NEK11: variants seen among roughly 807,000 people sequenced by gnomAD.
The protein encoded by NEK11 is serine/threonine-protein kinase Nek11.
NEK11 carries 72 observed loss-of-function variants against 80.7 expected under a neutral mutation model. The observed-to-expected ratio is 0.89, with a 90% CI of 0.74 to 1.08. The LOEUF is 1.08. Ranked by LOEUF, NEK11 falls within the 50% of genes least tolerant of loss-of-function variation. NEK11 has a pLI of 0.00. For missense variants in NEK11, 764 were observed against 763.6 expected, an observed-to-expected ratio of 1.00 and a Z score of -0.01; for synonymous variants, 251 against 260.7, an observed-to-expected ratio of 0.96 and a Z score of 0.36.
intron 16 of NEK11, among the ~76,000 whole-genome samples, chr3:131,245,028 T>A (rs1301444104): frequency 6.6e-6 from 1 of 152,070 alleles, no homozygotes; most frequent in East Asian, 1.9e-4. Context: ...TTTGGTGTAA[T>A]CATCACCTGA....
At chr3:131,048,843 TTC>T (rs2067863815) in intron 3 of NEK11, among the ~76,000 whole-genome samples, 1 of 152,190 alleles carries the variant, frequency 6.6e-6, no homozygotes, top group Admixed American at 6.5e-5. Flanking sequence ...GGCTAGTAAT[TTC>T]TGAGTGGAAT....
intron 16 of NEK11, among the ~76,000 whole-genome samples, chr3:131,263,147 A>G (rs943048780): frequency 4.0e-5 from 6 of 151,118 alleles, no homozygotes; most frequent in African/African-American, 9.7e-5. Context: ...TTAACTCGTC[A>G]TTTACATTAG....
intron 7 of NEK11, among the ~76,000 whole-genome samples, chr3:131,136,267 G>A (rs2085543888): frequency 6.6e-6 from 1 of 152,104 alleles, no homozygotes. Context: ...GGCTTATCTG[G>A]TAATGAAATT....
At chr3:131,290,848 T>A (rs1185706870) in intron 17 of NEK11, among the ~76,000 whole-genome samples, 1 of 152,086 alleles carries the variant, frequency 6.6e-6, no homozygotes, top group Non-Finnish European at 1.5e-5. Context: ...TTCCCATATA[T>A]CTCCTGCCCC....
rs773081673 is a variant in NEK11 at position 131,273,466 on chromosome 3, A to G, written c.1622-12A>G. The G allele has an allele frequency of 6.2e-7, 1 of 1,610,234 alleles. No individual in the cohort carries two copies. Among genetic ancestry groups the G allele is most frequent in the Admixed American group, 1.7e-5 (1 of 59,992 alleles). ...CTGATGAAGTCAATAAGGGCTGTGC[A>G]TTGATTTTCAGACACAAAGACCATC... is the stretch of plus-strand genomic sequence containing the variant. On this transcript the variant is annotated splice_polypyrimidine_tract_variant and intron_variant, in intron 16 of 17. Transcript: ENST00000383366.
chr3:131,030,234 C>CAA lies in NEK11; in HGVS notation c.170+368_170+369dup, dbSNP rs11293793. Among the ~76,000 whole-genome samples the CAA allele has an allele frequency of 3.6e-5, 5 of 137,502 alleles. No individual in the cohort carries two copies. In the East Asian group the frequency reaches 1.1e-3, roughly 30 times the overall value. The allele number at this position is 137,502 out of a possible 152,430, so 90.2% of individuals were successfully genotyped here. A position where few individuals can be genotyped will look rare whatever the true frequency, so the allele number is the denominator to read the frequency against. On this transcript the variant is annotated intron_variant, in intron 3 of 17. Transcript: ENST00000383366. ...AGCCTGGGCAACAGAGCAAGACTGA[C>CAA]AAAAAAAAAAAAAGAACATGGAGTA...
chr3:131,202,206 T>A lies in NEK11; in HGVS notation c.1400-26322T>A, dbSNP rs376915466. Among the ~76,000 whole-genome samples, 8 of 152,236 alleles carry A rather than the reference T, an allele frequency of 5.3e-5. No individual in the cohort carries two copies. In the South Asian group the frequency reaches 1.2e-3, roughly 24 times the overall value. ...GCAGAAGACAGGTGATTTCTGCATTTCCAACTGAGATGCCTGGTTCATCTC... is the reference window on the plus strand; with the variant it reads ...GCAGAAGACAGGTGATTTCTGCATTACCAACTGAGATGCCTGGTTCATCTC... On this transcript the variant is annotated intron_variant, in intron 14 of 17. Coordinates refer to ENST00000383366, the MANE Select transcript of NEK11 (RefSeq NM_024800.5).
At position 131,261,383 on chromosome 3, in the gene NEK11, C is replaced by T. The variant is rs535233914; in HGVS notation, c.1622-12095C>T. Among the ~76,000 whole-genome samples the T allele has an allele frequency of 1.3e-4, 20 of 152,294 alleles. No individual in the cohort carries two copies. The South Asian group carries it at 4.1e-3, about 32-fold the overall frequency. ...AAGAGAGACTTCAGGATGATTTTGC[C>T]TGACATAATGCTCATAACATTTACT... is the stretch of plus-strand genomic sequence containing the variant. On this transcript the variant is annotated intron_variant, in intron 16 of 17. Coordinates refer to ENST00000383366, the MANE Select transcript of NEK11 (RefSeq NM_024800.5).
chr3:131,203,443 G>C (rs373484930), intron 14 of NEK11, among the ~76,000 whole-genome samples: 6 of 132,044 alleles, frequency 4.5e-5, no homozygotes, highest in Non-Finnish European at 8.0e-5. Context: ...GTGAGGGGAG[G>C]GGGGAGGGAT....
intron 3 of NEK11, among the ~76,000 whole-genome samples, chr3:131,070,676 T>A (rs1328707858): frequency 6.6e-6 from 1 of 152,202 alleles, no homozygotes; most frequent in Non-Finnish European, 1.5e-5. Context: ...AGAAAGCAGA[T>A]GTCAGGAGTT....
At chr3:131,265,357 T>C (rs1248700744) in intron 16 of NEK11, among the ~76,000 whole-genome samples, 2 of 152,206 alleles carry the variant, frequency 1.3e-5, no homozygotes, top group East Asian at 3.8e-4. Context: ...GGGTTTGTCA[T>C]AAATAGCTTT....
chr3:131,224,805 A>G (rs568715597), intron 14 of NEK11, among the ~76,000 whole-genome samples: 1 of 152,296 alleles, frequency 6.6e-6, no homozygotes, highest in South Asian at 2.1e-4. Context: ...TAGTTGAAAA[A>G]GAAAAAGAAA....
intron 16 of NEK11, among the ~76,000 whole-genome samples, chr3:131,266,321 TC>T (rs1486536721): frequency 2.6e-5 from 4 of 152,240 alleles, no homozygotes; most frequent in Non-Finnish European, 5.9e-5. Context: ...TTGAGATTTT[TC>T]CTGCTTTTGC....
chr3:131,156,525 C>T (rs2090667750), intron 10 of NEK11, among the ~76,000 whole-genome samples: 1 of 152,150 alleles, frequency 6.6e-6, no homozygotes, highest in African/African-American at 2.4e-5. Context: ...TGCCTCTAGT[C>T]GGCCATCTTG....
chr3:131,153,129 A>G (rs1240140873), intron 9 of NEK11, among the ~76,000 whole-genome samples: 10 of 152,196 alleles, frequency 6.6e-5, no homozygotes, highest in Admixed American at 5.2e-4. Flanking sequence ...GAAAAATAGT[A>G]GTCAGGACAA....
intron 4 of NEK11, among the ~76,000 whole-genome samples, chr3:131,094,678 C>T (rs574862798): frequency 2.0e-4 from 30 of 152,142 alleles, no homozygotes; most frequent in Non-Finnish European, 3.7e-4. Context: ...TCCTGCATGA[C>T]GGGAAAGCTT....
At chr3:131,099,598 A>T (rs534366482) in intron 4 of NEK11, among the ~76,000 whole-genome samples, 8 of 152,338 alleles carry the variant, frequency 5.3e-5, no homozygotes, top group African/African-American at 1.9e-4. Flanking sequence ...CCAATCCATA[A>T]GTATGGAATG....
intron 17 of NEK11, among the ~76,000 whole-genome samples, chr3:131,279,884 G>C (rs952448124): frequency 4.6e-5 from 7 of 152,158 alleles, no homozygotes; most frequent in Non-Finnish European, 7.3e-5. Flanking sequence ...GAAGGTTTCT[G>C]TCCCCAGTAA....
At chr3:131,194,976 A>G (rs1351035704) in intron 14 of NEK11, among the ~76,000 whole-genome samples, 2 of 152,132 alleles carry the variant, frequency 1.3e-5, no homozygotes, top group Non-Finnish European at 2.9e-5. Flanking sequence ...AGGTACTATT[A>G]CCAGGCTGCT....
Sources: allele counts gnomAD v4.1 joint callset (sites outside exome capture counted in the v4.1 genomes callset), GRCh38; gene constraint gnomAD v4.1.1; transcripts MANE v1.5; gene names NCBI Gene and HGNC (gene_info 2026-07-23, HGNC 2026-07-21).